DCDC2: variants seen among roughly 807,000 people sequenced by gnomAD.
The protein encoded by DCDC2 is doublecortin domain containing 2, also known as doublecortin domain-containing protein 2.
Under a neutral mutation model 50.2 loss-of-function variants are expected in DCDC2, and 40 were observed. The ratio of observed to expected loss-of-function variants is 0.80; its 90% CI spans 0.62 to 1.04. DCDC2 has a LOEUF of 1.04. DCDC2 is among the 50% of genes least tolerant of loss of function. DCDC2 has a pLI of 0.00. For synonymous variants in DCDC2, 234 were observed against 210.6 expected (o/e 1.11, Z -0.96); for missense variants, 570 against 581.9 (o/e 0.98, Z 0.21).
At chr6:24,303,127 C>T (rs1272896780) in intron 2 of DCDC2, among the ~76,000 whole-genome samples, 1 of 151,884 alleles carries the variant, frequency 6.6e-6, no homozygotes, top group African/African-American at 2.4e-5. Flanking sequence ...CTACCTGGTG[C>T]CTTTAATTTT....
At chr6:24,278,246 T>G in intron 6 of DCDC2, 35 bp from the exon 7 acceptor site, 1 of 1,555,146 alleles carries the variant, frequency 6.4e-7, no homozygotes, top group Non-Finnish European at 8.7e-7. Context: ...TATTATTAGC[T>G]AATGAACTCT....
intron 7 of DCDC2, among the ~76,000 whole-genome samples, chr6:24,255,162 TA>T (rs2113801684): frequency 6.6e-6 from 1 of 152,162 alleles, no homozygotes; most frequent in South Asian, 2.1e-4. Flanking sequence ...CTGATTCACA[TA>T]TACATAAATA....
intron 8 of DCDC2, among the ~76,000 whole-genome samples, chr6:24,187,936 G>A (rs1349187810): frequency 2.0e-5 from 3 of 152,178 alleles, no homozygotes. Context: ...CAGGGAATTA[G>A]GTAAACTTGT....
intron 2 of DCDC2, among the ~76,000 whole-genome samples, chr6:24,304,153 C>T (rs1237391804): frequency 1.3e-5 from 2 of 152,198 alleles, no homozygotes; most frequent in Admixed American, 6.5e-5. Flanking sequence ...TACACTAACA[C>T]CTAGCATCAC....
chr6:24,216,826 C>A (rs1561894000), intron 7 of DCDC2, among the ~76,000 whole-genome samples: 1 of 152,254 alleles, frequency 6.6e-6, no homozygotes. Flanking sequence ...TTGACAATAT[C>A]AATGTAACCA....
rs757932461 is a variant in DCDC2, at chr6:24,173,462, T to C, written c.*1268A>G. 2.0e-5 allele frequency: 3 copies of C among 152,158 alleles called. No individual in the cohort carries two copies. The highest frequency in any genetic ancestry group is 6.5e-5 in the Admixed American group (1 of 15,278). The allele number at this position is 152,158 out of a possible 1,614,324, so 9.4% of individuals were successfully genotyped here. A position where few individuals can be genotyped will look rare whatever the true frequency, so the allele number is the denominator to read the frequency against. The stretch of plus-strand genomic sequence containing the variant: ...AAAAATATATCCTTTAAGAAAAATA[T>C]ATTATTTCTATATTTATGGAAGAAC... On this transcript the variant is annotated 3_prime_UTR_variant, in exon 10 of 10. Transcript: ENST00000378454.
rs1760835806 is a variant in DCDC2, at chr6:24,173,688, A to T, written c.*1042T>A. On this transcript the variant is annotated 3_prime_UTR_variant, in exon 10 of 10. Transcript: ENST00000378454. ...TTCTAATTACAAAGAAATCTGCTTG[A>T]AATTCTAACTATATCATGCTAGGAA... 6.6e-6 allele frequency: 1 copy of T among 152,214 alleles called. No homozygotes were observed. The highest frequency in any genetic ancestry group is 1.5e-5 in the Non-Finnish European group (1 of 68,038). The allele number at this position is 152,214 out of a possible 1,614,324, so 9.4% of individuals were successfully genotyped here.
chr6:24,176,927 G>T (rs2113737125), intron 9 of DCDC2, among the ~76,000 whole-genome samples: 1 of 152,244 alleles, frequency 6.6e-6, no homozygotes, highest in Non-Finnish European at 1.5e-5. Flanking sequence ...TCATGTCATT[G>T]CAAATTACAG....
chr6:24,285,922 A>G (rs1248715857), intron 6 of DCDC2, among the ~76,000 whole-genome samples: 1 of 152,092 alleles, frequency 6.6e-6, no homozygotes, highest in African/African-American at 2.4e-5. Context: ...GCACTGTGAG[A>G]ATTAATAAGC....
the DCDC2 span, among the ~76,000 whole-genome samples, chr6:24,380,869 A>G: frequency 6.6e-6 from 1 of 152,154 alleles, no homozygotes; most frequent in East Asian, 1.9e-4. Flanking sequence ...CCAGGGCTTG[A>G]GCCCAGGAAT....
chr6:24,383,031 A>G, the DCDC2 span, among the ~76,000 whole-genome samples: 1 of 152,208 alleles, frequency 6.6e-6, no homozygotes, highest in Non-Finnish European at 1.5e-5. Flanking sequence ...CTCATGAAAG[A>G]AAACTACCCC....
intron 6 of DCDC2, among the ~76,000 whole-genome samples, chr6:24,286,868 C>G (rs559114556): frequency 2.0e-5 from 3 of 152,166 alleles, no homozygotes; most frequent in Non-Finnish European, 4.4e-5. Context: ...AATCATCACA[C>G]AAATCCTTTG....
Position 24,172,213 on chromosome 6 carries a change from G to A in DCDC2, c.*2517C>T, listed in dbSNP as rs1453693935. 6.6e-6 allele frequency: 1 copy of A among 152,130 alleles called. No individual in the cohort carries two copies. Among genetic ancestry groups the A allele is most frequent in the Non-Finnish European group, 1.5e-5 (1 of 68,016 alleles). 9.4% of individuals were successfully genotyped at this position (152,130 alleles called of 1,614,324 possible). A position where few individuals can be genotyped will look rare whatever the true frequency, so the allele number is the denominator to read the frequency against. Reference sequence around the variant, plus strand: ...TTCCAAGTGAATGGTTTTTTCCTTGGCTAGGCACCTTTTTTTAGTAACATG... The same window carrying A: ...TTCCAAGTGAATGGTTTTTTCCTTGACTAGGCACCTTTTTTTAGTAACATG... On this transcript the variant is annotated 3_prime_UTR_variant, in exon 10 of 10. Coordinates refer to ENST00000378454, the MANE Select transcript of DCDC2 (RefSeq NM_016356.5).
At chr6:24,282,592 C>T (rs1320385931) in intron 6 of DCDC2, among the ~76,000 whole-genome samples, 1 of 152,122 alleles carries the variant, frequency 6.6e-6, no homozygotes, top group African/African-American at 2.4e-5. Flanking sequence ...CCAACTAGAT[C>T]CAACCAACTC....
chr6:24,288,966 A>T, intron 5 of DCDC2, 60 bp from the exon 6 acceptor site: 1 of 1,298,700 alleles, frequency 7.7e-7, no homozygotes, highest in Non-Finnish European at 1.1e-6. Context: ...TGTACAATGC[A>T]AGATAATTAT....
intron 7 of DCDC2, among the ~76,000 whole-genome samples, chr6:24,215,506 G>A (rs1581591422): frequency 6.6e-6 from 1 of 152,118 alleles, no homozygotes; most frequent in African/African-American, 2.4e-5. Context: ...GGGAGATCAT[G>A]GAAAGTGTTA....
intron 7 of DCDC2, among the ~76,000 whole-genome samples, chr6:24,245,746 TTAC>T (rs1170138564): frequency 3.3e-5 from 5 of 151,998 alleles, no homozygotes; most frequent in African/African-American, 1.2e-4. Flanking sequence ...TTAAAAGAGA[TTAC>T]TAAAAAGTGC....
chr6:24,318,204 T>A (rs948857616), intron 2 of DCDC2, among the ~76,000 whole-genome samples: 3 of 152,236 alleles, frequency 2.0e-5, no homozygotes, highest in African/African-American at 7.2e-5. Context: ...TTCACAGTTT[T>A]ATTCATTGTA....
At chr6:24,300,481 C>G (rs918377617) in intron 4 of DCDC2, among the ~76,000 whole-genome samples, 1 of 152,134 alleles carries the variant, frequency 6.6e-6, no homozygotes, top group Non-Finnish European at 1.5e-5. Flanking sequence ...ACTGGACATG[C>G]CTAAGATAGG....
Sources: allele counts gnomAD v4.1 joint callset (sites outside exome capture counted in the v4.1 genomes callset), GRCh38; gene constraint gnomAD v4.1.1; transcripts MANE v1.5; gene names NCBI Gene and HGNC (gene_info 2026-07-23, HGNC 2026-07-21).